SPIN1: variants seen among roughly 807,000 people sequenced by gnomAD.
The protein encoded by SPIN1 is spindlin-1.
A neutral mutation model predicts 26.0 loss-of-function variants in SPIN1; 3 were observed. That is an observed-to-expected ratio of 0.12 (90% CI 0.05 to 0.30). SPIN1 has a LOEUF of 0.30. Ranked by LOEUF, SPIN1 falls within the 10% of genes least tolerant of loss-of-function variation. SPIN1 has a pLI of 1.00. For missense variants in SPIN1, 126 were observed against 333.4 expected (o/e 0.38, Z 4.84); for synonymous variants, 101 against 116.5 (o/e 0.87, Z 0.86).
chr9:88,393,287 A>AT (rs912069053), intron 1 of SPIN1, among the ~76,000 whole-genome samples: 23 of 149,144 alleles, frequency 1.5e-4, no homozygotes, highest in East Asian at 9.8e-4. Context: ...AAAATAGGCA[A>AT]TTTTTTTTTT....
At chr9:88,410,385 ATGAG>A (rs1313979103) in intron 1 of SPIN1, 6 of 506,808 alleles carry the variant, frequency 1.2e-5, no homozygotes, top group South Asian at 1.9e-5. Context: ...GCCCATATAC[ATGAG>A]TATTTGTCTA....
At chr9:88,444,489 C>T (rs1484976467) in intron 2 of SPIN1, among the ~76,000 whole-genome samples, 5 of 151,828 alleles carry the variant, frequency 3.3e-5, no homozygotes, top group South Asian at 2.1e-4. Flanking sequence ...GTGATCCACC[C>T]GCCTCAGCCT....
intron 2 of SPIN1, among the ~76,000 whole-genome samples, chr9:88,447,326 G>A (rs921646935): frequency 5.3e-5 from 8 of 151,912 alleles, no homozygotes; most frequent in African/African-American, 2.4e-5. Flanking sequence ...TACCTGCTAA[G>A]TACTTTATTT....
chr9:88,461,877 T>C (rs1031198217), intron 3 of SPIN1, among the ~76,000 whole-genome samples: 3 of 152,252 alleles, frequency 2.0e-5, no homozygotes, highest in Non-Finnish European at 2.9e-5. Flanking sequence ...TACATTGTTA[T>C]AAACTTCAGT....
chr9:88,448,184 C>T (rs1009446513), intron 2 of SPIN1, among the ~76,000 whole-genome samples: 2 of 151,968 alleles, frequency 1.3e-5, no homozygotes, highest in African/African-American at 4.8e-5. Context: ...GTTGGGATTA[C>T]AGGCATACGC....
intron 3 of SPIN1, 31 bp downstream of exon 3, chr9:88,449,020 T>C (rs769676059): frequency 1.2e-6 from 2 of 1,609,590 alleles, no homozygotes; most frequent in Non-Finnish European, 1.7e-6. Context: ...TTCTAGATAG[T>C]GTTTTGTGAC....
Position 88,410,985 on chromosome 9 carries a change from C to T in SPIN1, c.-158-15397C>T. ...TGATATTTCTGAATGACAGTCTTAT[C>T]CACGGAGTTGTGGTCGTCAAAGGTT... On this transcript the variant is annotated intron_variant, in intron 1 of 5. Transcript: ENST00000375859. The T allele has an allele frequency of 7.7e-6, 11 of 1,433,156 alleles. No homozygotes were observed. In the South Asian group the frequency reaches 1.3e-4, roughly 16 times the overall value. The allele number at this position is 1,433,156 out of a possible 1,614,324, so 88.8% of individuals were successfully genotyped here.
chr9:88,398,616 C>T lies in SPIN1; in HGVS notation c.-159+10078C>T, dbSNP rs144899739. ...TTGAGACAGAGTTTCGCTCTTGTTG[C>T]CCAGGCTGGAGTGCAATGGCGCGAT... On this transcript the variant is annotated intron_variant, in intron 1 of 5. Transcript: ENST00000375859. Among the ~76,000 whole-genome samples, 382 of 152,248 alleles carry T rather than the reference C, an allele frequency of 2.5e-3. 8 individuals are homozygous for T. Among genetic ancestry groups the T allele is most frequent in the Middle Eastern group, 0.01 (3 of 294 alleles).
At chr9:88,469,358 A>G (rs1335751640) in intron 5 of SPIN1, among the ~76,000 whole-genome samples, 4 of 152,190 alleles carry the variant, frequency 2.6e-5, no homozygotes, top group Non-Finnish European at 4.4e-5. Context: ...TCAATTTCAG[A>G]AAACGATTGA....
At chr9:88,467,583 A>G (rs1828695653) in intron 4 of SPIN1, among the ~76,000 whole-genome samples, 1 of 152,266 alleles carries the variant, frequency 6.6e-6, no homozygotes, top group Non-Finnish European at 1.5e-5. Flanking sequence ...AGAACGCATG[A>G]ACAACAAGGA....
chr9:88,467,543 C>T (rs1309275055), intron 4 of SPIN1, among the ~76,000 whole-genome samples: 2 of 151,994 alleles, frequency 1.3e-5, no homozygotes, highest in Admixed American at 6.6e-5. Context: ...GAGAGTGTGT[C>T]CTAATGGGAG....
At chr9:88,391,672 G>A (rs1196770984) in intron 1 of SPIN1, 1 of 152,130 alleles carries the variant, frequency 6.6e-6, no homozygotes, top group Non-Finnish European at 1.5e-5. Flanking sequence ...CTGGTAGAAG[G>A]GAAGGGAATT....
intron 1 of SPIN1, among the ~76,000 whole-genome samples, chr9:88,419,983 T>G (rs1827640142): frequency 6.6e-6 from 1 of 152,244 alleles, no homozygotes; most frequent in African/African-American, 2.4e-5. Context: ...GTCCTGTTTT[T>G]TCATTCCTTC....
intron 1 of SPIN1, among the ~76,000 whole-genome samples, chr9:88,392,664 C>T (rs1337514607): frequency 6.6e-6 from 1 of 151,750 alleles, no homozygotes; most frequent in Non-Finnish European, 1.5e-5. Context: ...ACCTATCTAC[C>T]TAGCTACTAT....
chr9:88,460,512 T>C (rs1828558176), intron 3 of SPIN1, among the ~76,000 whole-genome samples: 1 of 152,060 alleles, frequency 6.6e-6, no homozygotes. Context: ...TATGAGGAAA[T>C]TGGTTTATGC....
At chr9:88,401,670 A>G (rs149946141) in intron 1 of SPIN1, among the ~76,000 whole-genome samples, 9 of 152,338 alleles carry the variant, frequency 5.9e-5, no homozygotes, top group African/African-American at 2.2e-4. Flanking sequence ...CATTTCCCAA[A>G]TGTTGAAAAT....
chr9:88,456,972 C>T (rs955584461), intron 3 of SPIN1, among the ~76,000 whole-genome samples: 2 of 151,976 alleles, frequency 1.3e-5, no homozygotes, highest in Non-Finnish European at 2.9e-5. Context: ...GCAAGATATT[C>T]AATAGGCTGA....
At chr9:88,457,780 A>T (rs2118169923) in intron 3 of SPIN1, 2 of 942,302 alleles carry the variant, frequency 2.1e-6, no homozygotes, top group African/African-American at 1.8e-5. Flanking sequence ...ACCTGAAAGA[A>T]TTACCAGAGG....
intron 5 of SPIN1, among the ~76,000 whole-genome samples, chr9:88,472,677 G>C (rs1828812839): frequency 1.3e-5 from 2 of 152,236 alleles, no homozygotes; most frequent in East Asian, 1.9e-4. Flanking sequence ...ATTTTTAGTA[G>C]AGACAGAGTT....
Sources: gnomAD v4.1 joint callset for allele counts (sites outside exome capture counted in the v4.1 genomes callset) on GRCh38, gnomAD v4.1.1 for gene constraint, MANE v1.5 for transcripts, NCBI Gene and HGNC (gene_info 2026-07-23, HGNC 2026-07-21) for gene names.